The following GLIS2 variants were observed in gnomAD, a reference collection of about 807,000 sequenced individuals.
GLIS2 encodes GLIS family zinc finger 2, also known as zinc finger protein GLIS2.
In GLIS2, 14 loss-of-function variants were observed where a neutral mutation model predicts 35.6. That is an observed-to-expected ratio of 0.39 (90% confidence interval 0.26 to 0.61). GLIS2 has a LOEUF of 0.61. GLIS2 is among the 20% of genes least tolerant of loss of function. The pLI is 0.48. For missense variants in GLIS2, 675 were observed against 713.4 expected, an observed-to-expected ratio of 0.95 and a Z score of 0.61; for synonymous variants, 368 against 325.1, an observed-to-expected ratio of 1.13 and a Z score of -1.42.
In GLIS2 at chr16:4,332,893, C is replaced by T. The variant is rs1308922258; in HGVS notation, c.172+441C>T. Among the ~76,000 whole-genome samples the T allele has an allele frequency of 3.3e-5, 5 of 152,256 alleles. No individual in the cohort carries two copies. Among genetic ancestry groups the T allele is most frequent in the Non-Finnish European group, 7.4e-5 (5 of 68,006 alleles). On this transcript the variant is annotated intron_variant, in intron 2 of 6. Transcript: ENST00000433375. This position sits in a 1 kb window ranked among gnomAD's most constrained non-coding sequence, Gnocchi z 5.4. ...TCTGCCCTGCCTCCAAGAGCAGAGT[C>T]ACCCGAAAACCAGATTCACCGCTTG...
upstream of GLIS2, among the ~76,000 whole-genome samples, chr16:4,315,643 C>T (rs1165220448): frequency 3.3e-5 from 5 of 150,500 alleles, no homozygotes; most frequent in Admixed American, 1.3e-4. Context: ...CCTAGCGCTG[C>T]CCTCGGGCCG....
rs1287524266 is a variant in GLIS2 at position 4,336,970 on chromosome 16, G to A, written c.1021G>A (p.Ala341Thr). Residue 341 changes from alanine (A) to threonine (T), a missense_variant, in exon 7 of 7, where the codon GCC becomes ACC. Coordinates refer to ENST00000433375, the MANE Select transcript of GLIS2 (RefSeq NM_032575.3). The part of the protein sequence containing the change: ...LRPPPKPPLP[A>T]PDGGPYVSGA... ...CCCACCCCCCAAGCCGCCACTGCCC[G>A]CCCCCGACGGCGGCCCCTATGTCAG... 1.5e-5 allele frequency: 24 copies of A among 1,609,674 alleles called. No individual in the cohort carries two copies. The highest frequency in any genetic ancestry group is 4.5e-5 in the East Asian group (2 of 44,754).
chr16:4,333,509 C>T lies in GLIS2; in HGVS notation c.335C>T (p.Pro112Leu). ...GGCAACGGGGACCTGCCTCCAGTGC[C>T]CAGTGCCTCGGTAAGGAGGGGTGAG... ...RQGNGDLPPV[P>L]SASDFQPLRY... The change falls in exon 3 of 7, where the codon CCC becomes CTC. Residue 112 changes from proline (P) to leucine (L), a missense_variant. By Grantham distance (98) the Pro-to-Leu change is moderately conservative (BLOSUM62 -3). Transcript: ENST00000433375. 3 of 1,610,122 alleles carry T rather than the reference C, an allele frequency of 1.9e-6. No individual in the cohort carries two copies. The highest frequency in any genetic ancestry group is 2.5e-6 in the Non-Finnish European group (3 of 1,178,286).
chr16:4,318,357 G>C (rs935506118), intron 1 of GLIS2, among the ~76,000 whole-genome samples: 1 of 152,178 alleles, frequency 6.6e-6, no homozygotes, highest in Non-Finnish European at 1.5e-5. Context: ...CTGGGTGGAG[G>C]GGGGTCAGGG....
chr16:4,329,950 CGGTG>C (rs2053480718), intron 1 of GLIS2, among the ~76,000 whole-genome samples: 2 of 152,068 alleles, frequency 1.3e-5, no homozygotes, highest in Non-Finnish European at 2.9e-5. Context: ...GTTCTTGGGT[CGGTG>C]GATACTGTTA....
chr16:4,330,876 C>G (rs1466213505), intron 1 of GLIS2, among the ~76,000 whole-genome samples: 1 of 152,220 alleles, frequency 6.6e-6, no homozygotes, highest in African/African-American at 2.4e-5. Flanking sequence ...TCATGATGGC[C>G]ATGACGCCCA....
intron 6 of GLIS2, 53 bp from the exon 7 acceptor site, chr16:4,336,672 C>A: frequency 6.5e-7 from 1 of 1,526,946 alleles, no homozygotes; most frequent in Non-Finnish European, 8.9e-7. Flanking sequence ...TGGGGTGAGA[C>A]CCAGGAAGGG....
Position 4,339,507 on chromosome 16 carries a change from A to T in GLIS2, c.*1983A>T, listed in dbSNP as rs960057599. The stretch of plus-strand genomic sequence containing the variant: ...TCCATTGCTGTTAGCATAGAGTTTT[A>T]AAAAAAGAGATAAGCTAATGACTAT... On this transcript the variant is annotated 3_prime_UTR_variant, in exon 7 of 7. Transcript: ENST00000433375. 6.6e-6 allele frequency: 1 copy of T among 152,424 alleles called. No homozygotes were observed. Among genetic ancestry groups the T allele is most frequent in the Non-Finnish European group, 1.5e-5 (1 of 68,020 alleles). 9.4% of individuals were successfully genotyped at this position (152,424 alleles called of 1,614,324 possible).
At chr16:4,317,933 C>T (rs2053333232) in intron 1 of GLIS2, among the ~76,000 whole-genome samples, 1 of 152,204 alleles carries the variant, frequency 6.6e-6, no homozygotes, top group Non-Finnish European at 1.5e-5. Flanking sequence ...TGTCTGTGAC[C>T]TTTGACCTTT....
Position 4,333,402 on chromosome 16 carries a change from C to G in GLIS2, c.228C>G (p.Ala76=). The change falls in exon 3 of 7, where the codon GCC becomes GCG. Residue 76 remains alanine, a synonymous_variant. Transcript: ENST00000433375. ...AGGTGGAGGGACGCTTTTCAGCAGC[C>G]CCTCTCGTGGACCTCAGCCTGTCAC... The part of the protein sequence containing the change: ...PEKVEGRFSA[A]PLVDLSLSPP... The G allele has an allele frequency of 6.2e-7, 1 of 1,613,086 alleles. No individual in the cohort carries two copies. The highest frequency in any genetic ancestry group is 1.3e-5 in the African/African-American group (1 of 75,006).
In GLIS2 at chr16:4,337,071, G is replaced by T; in HGVS notation, c.1122G>T (p.Leu374=). The T allele has an allele frequency of 6.5e-7, 1 of 1,539,690 alleles. No homozygotes were observed. The change falls in exon 7 of 7, where the codon CTG becomes CTT. Residue 374 remains leucine (L), a synonymous_variant. Transcript: ENST00000433375. ...GCCTGCCCGGCTTACCCCTACCCCT[G>T]GCCCCCGGCCCCCTTGACCTCAGTG... ...GPGLPGLPLP[L]APGPLDLSAL... is the part of the protein sequence containing the mutation.
At chr16:4,317,229 G>A (rs1414732792) in intron 1 of GLIS2, among the ~76,000 whole-genome samples, 1 of 152,204 alleles carries the variant, frequency 6.6e-6, no homozygotes, top group Non-Finnish European at 1.5e-5. Context: ...AGCCATCACA[G>A]CCCAGGATCT....
At chr16:4,323,336 C>T (rs769444322) in intron 1 of GLIS2, among the ~76,000 whole-genome samples, 1 of 152,154 alleles carries the variant, frequency 6.6e-6, no homozygotes, top group Non-Finnish European at 1.5e-5. Context: ...GGCTGCGGGG[C>T]GGGCTTTCCT....
intron 1 of GLIS2, among the ~76,000 whole-genome samples, chr16:4,316,623 G>A (rs1363737998): frequency 1.3e-5 from 2 of 151,856 alleles, no homozygotes; most frequent in Non-Finnish European, 2.9e-5. Context: ...CCCGGAGCCT[G>A]GGCATGAAGT....
At chr16:4,317,256 G>T (rs1235855100) in intron 1 of GLIS2, among the ~76,000 whole-genome samples, 1 of 152,166 alleles carries the variant, frequency 6.6e-6, no homozygotes, top group East Asian at 1.9e-4. Flanking sequence ...TGGAGGGAAC[G>T]CTTGACACTG....
At chr16:4,317,974 G>A (rs919588826) in intron 1 of GLIS2, among the ~76,000 whole-genome samples, 5 of 152,062 alleles carry the variant, frequency 3.3e-5, no homozygotes, top group African/African-American at 7.2e-5. Flanking sequence ...GGGGCTCTTC[G>A]GCCCCTGAGT....
Position 4,337,834 on chromosome 16 carries a change from C to T in GLIS2, c.*310C>T. ...CCGACCTCCTCCCGTTTCCCTCTCC[C>T]ACCCTGGCACCTCCCTCACCTAGTG... On this transcript the variant is annotated 3_prime_UTR_variant, in exon 7 of 7. Transcript: ENST00000433375. 1.9e-6 allele frequency: 1 copy of T among 531,708 alleles called. No homozygotes were observed. Among genetic ancestry groups the T allele is most frequent in the Admixed American group, 3.2e-5 (1 of 31,538 alleles). 32.9% of individuals were successfully genotyped at this position (531,708 alleles called of 1,614,324 possible).
intron 1 of GLIS2, among the ~76,000 whole-genome samples, 46 bp downstream of exon 1, chr16:4,316,300 G>C (rs1413303703): frequency 3.7e-4 from 29 of 77,694 alleles, no homozygotes; most frequent in Non-Finnish European, 5.4e-4. Flanking sequence ...GGGCCGGGGC[G>C]GGGGGGGGGG....
chr16:4,336,534 TGA>T (rs910724224), intron 6 of GLIS2, 189 bp from the exon 7 acceptor site: 14 of 677,656 alleles, frequency 2.1e-5, no homozygotes, highest in South Asian at 1.1e-4. Context: ...TCAACCAGGC[TGA>T]GTTTTCAGCC....
Sources: allele counts gnomAD v4.1 joint callset (sites outside exome capture counted in the v4.1 genomes callset), GRCh38; gene constraint gnomAD v4.1.1; non-coding constraint Gnocchi (gnomAD v3.1); transcripts MANE v1.5; gene names NCBI Gene and HGNC (gene_info 2026-07-23, HGNC 2026-07-21).